Variants in LPIN2 observed in about 807,000 individuals in gnomAD.
The protein encoded by LPIN2 is phosphatidate phosphatase LPIN2.
LPIN2 carries 55 observed loss-of-function variants against 111.4 expected under a neutral mutation model. The observed-to-expected ratio is 0.49, with a 90% CI of 0.40 to 0.62. LPIN2 has a LOEUF of 0.62. LPIN2 is among the 20% of genes least tolerant of loss of function. The probability of loss-of-function intolerance (pLI) is 0.00; values close to 1 mark genes in which losing one functional copy is unlikely to be tolerated. For synonymous variants in LPIN2, 425 were observed against 414.0 expected (o/e 1.03, Z -0.32); for missense variants, 992 against 1,112.1 (o/e 0.89, Z 1.54).
At chr18:2,988,012 C>CATAAAAAAAAA (rs2078211786) in intron 1 of LPIN2, among the ~76,000 whole-genome samples, 1 of 32,344 alleles carries the variant, frequency 3.1e-5, no homozygotes, top group African/African-American at 9.7e-5. Flanking sequence ...GAGACTGTCT[C>CATAAAAAAAAA]AAAAAAAAAA....
At chr18:3,003,241 TA>T (rs902017520) in intron 1 of LPIN2, among the ~76,000 whole-genome samples, 5 of 152,188 alleles carry the variant, frequency 3.3e-5, no homozygotes, top group African/African-American at 1.2e-4. Flanking sequence ...TTACACTAAG[TA>T]AAGCACCACT....
intron 1 of LPIN2, among the ~76,000 whole-genome samples, chr18:2,986,268 T>C (rs1479278037): frequency 6.6e-6 from 1 of 152,252 alleles, no homozygotes; most frequent in African/African-American, 2.4e-5. Context: ...AATGGTTATA[T>C]AGTTTACTCA....
At chr18:3,011,319 A>C (rs764414566) in intron 1 of LPIN2, among the ~76,000 whole-genome samples, 31 of 152,208 alleles carry the variant, frequency 2.0e-4, no homozygotes, top group Admixed American at 2.0e-4. Flanking sequence ...TGTGCCATCA[A>C]ACGTTAAAAC....
intron 1 of LPIN2, among the ~76,000 whole-genome samples, chr18:2,964,123 A>T (rs1397053873): frequency 6.6e-6 from 1 of 151,520 alleles, no homozygotes; most frequent in Non-Finnish European, 1.5e-5. Context: ...CTTTACTAAA[A>T]ATACAAAAAA....
chr18:2,934,448 C>T lies in LPIN2; in HGVS notation c.1171G>A (p.Val391Ile), dbSNP rs886053767. The change falls in exon 8 of 20, where the codon GTT (valine) becomes ATT (isoleucine). Residue 391 changes from valine to isoleucine, a missense_variant and splice_region_variant. Physicochemically the swap from Val to Ile is conservative, Grantham distance 29. Transcript: ENST00000677752. ...KVDSPSKKKG[V>I]HKRSQHQGPD... ...CCCTGGTGTTGGCTTCTTTTGTGAA[C>T]ACCTGTTTAAAAAAAAAATCAGAGG... 4 of 1,604,056 alleles carry T rather than the reference C, an allele frequency of 2.5e-6. No homozygotes were observed. In the African/African-American group the frequency reaches 5.4e-5, roughly 21 times the overall value.
chr18:3,008,883 T>TG (rs1048697269), intron 1 of LPIN2, among the ~76,000 whole-genome samples: 2 of 150,670 alleles, frequency 1.3e-5, no homozygotes, highest in African/African-American at 4.9e-5. Context: ...AGCTGTGTTT[T>TG]TTTTTTTTTT....
chr18:2,921,134 A>C (rs908066498), intron 18 of LPIN2: 2 of 576,918 alleles, frequency 3.5e-6, no homozygotes, highest in South Asian at 4.0e-5. Flanking sequence ...CAGAGAGGCC[A>C]CATCTTCTGC....
At chr18:2,933,422 T>C (rs926061910) in intron 8 of LPIN2, among the ~76,000 whole-genome samples, 1 of 152,220 alleles carries the variant, frequency 6.6e-6, no homozygotes, top group Non-Finnish European at 1.5e-5. Flanking sequence ...ACTTTCCTAC[T>C]GTTAAAATAA....
rs2077397113 is a variant in LPIN2 at position 2,943,455 on chromosome 18, TGTG to T, written c.591-2746_591-2744del. 1.3e-4 allele frequency among the ~76,000 whole-genome samples: 19 copies of T among 150,574 alleles called. 1 individual carries two copies. ...GTGTGTGTGTGTGTGTGTGTGTGTG[TGTG>T]TATAAATCAATGTTTTGATCAATGT... is the stretch of plus-strand genomic sequence containing the variant. On this transcript the variant is annotated intron_variant, in intron 4 of 19. Transcript: ENST00000677752.
At position 2,920,889 on chromosome 18, in the gene LPIN2, A is replaced by G; in HGVS notation, c.2443-8T>C. On this transcript the variant is annotated splice_polypyrimidine_tract_variant and splice_region_variant and intron_variant, in intron 18 of 19. Transcript: ENST00000677752. ...TGTGTAGGCATAGACATCCTGCAGA[A>G]GAAAATAGCAAGCGGGTGATTCCAG... is the stretch of plus-strand genomic sequence containing the variant. The G allele has an allele frequency of 6.3e-7, 1 of 1,588,486 alleles. No homozygotes were observed. Among genetic ancestry groups the G allele is most frequent in the Non-Finnish European group, 8.6e-7 (1 of 1,156,696 alleles).
chr18:2,926,408 G>A (rs1010302673), intron 13 of LPIN2, among the ~76,000 whole-genome samples: 2 of 152,200 alleles, frequency 1.3e-5, no homozygotes, highest in Non-Finnish European at 2.9e-5. Flanking sequence ...TATTTTGTAT[G>A]TCTCCCTTTG....
intron 1 of LPIN2, among the ~76,000 whole-genome samples, chr18:3,000,017 C>T (rs2078407463): frequency 7.4e-6 from 1 of 134,686 alleles, no homozygotes; most frequent in African/African-American, 2.7e-5. Context: ...TAGTGAGACC[C>T]TATCTCTGTT....
At chr18:2,933,315 C>T (rs1421973760) in intron 8 of LPIN2, among the ~76,000 whole-genome samples, 1 of 152,070 alleles carries the variant, frequency 6.6e-6, no homozygotes, top group African/African-American at 2.4e-5. Context: ...AAAAGAGAAA[C>T]TAAGACATAT....
In LPIN2 at chr18:2,960,644, C is replaced by A; in HGVS notation, c.192+5G>T. On this transcript the variant is annotated splice_donor_5th_base_variant and intron_variant, in intron 2 of 19. Transcript: ENST00000677752. ...ATGACTTTTCCTCTCCTTGAGGACACTCACCACTTTCTCTTTGGATCTCAG... is the reference window on the plus strand; with the variant it reads ...ATGACTTTTCCTCTCCTTGAGGACAATCACCACTTTCTCTTTGGATCTCAG... 6.2e-7 allele frequency: 1 copy of A among 1,613,934 alleles called. No homozygotes were observed. Among genetic ancestry groups the A allele is most frequent in the Non-Finnish European group, 8.5e-7 (1 of 1,179,940 alleles).
At chr18:3,009,409 A>C (rs1438477419) in intron 1 of LPIN2, among the ~76,000 whole-genome samples, 1 of 151,878 alleles carries the variant, frequency 6.6e-6, no homozygotes, top group East Asian at 1.9e-4. Flanking sequence ...AAAATTCTAA[A>C]TTCAAAGATT....
intron 1 of LPIN2, among the ~76,000 whole-genome samples, chr18:2,983,140 T>C (rs1481955073): frequency 1.3e-5 from 2 of 152,160 alleles, no homozygotes; most frequent in Non-Finnish European, 1.5e-5. Flanking sequence ...TTTTTAGAAA[T>C]AAAAACAGCT....
At chr18:2,926,969 C>A (rs1458521573) in intron 12 of LPIN2, among the ~76,000 whole-genome samples, 164 bp from the exon 13 acceptor site, 8 of 152,350 alleles carry the variant, frequency 5.3e-5, no homozygotes, top group Admixed American at 5.2e-4. Flanking sequence ...GAATTAGAAA[C>A]CTAAGACAGA....
At chr18:2,994,751 G>T (rs1300495317) in intron 1 of LPIN2, among the ~76,000 whole-genome samples, 1 of 152,104 alleles carries the variant, frequency 6.6e-6, no homozygotes, top group Admixed American at 6.6e-5. Flanking sequence ...CTCCCCAGTG[G>T]TGACAGCCAA....
intron 4 of LPIN2, 72 bp from the exon 5 acceptor site, chr18:2,940,784 A>G: frequency 1.2e-6 from 1 of 829,954 alleles, no homozygotes; most frequent in Non-Finnish European, 2.1e-6. Context: ...CCCCAAACCT[A>G]CTGATACTAC....
Sources: gnomAD v4.1 joint callset for allele counts (sites outside exome capture counted in the v4.1 genomes callset) on GRCh38, gnomAD v4.1.1 for gene constraint, MANE v1.5 for transcripts, NCBI Gene and HGNC (gene_info 2026-07-23, HGNC 2026-07-21) for gene names.